ITGA9: variants seen among roughly 807,000 people sequenced by gnomAD.
ITGA9 encodes integrin subunit alpha 9.
Under a neutral mutation model 127.8 loss-of-function variants are expected in ITGA9, and 56 were observed. The observed-to-expected ratio is 0.44, with a 90% CI of 0.35 to 0.55. The LOEUF (loss-of-function observed/expected upper bound fraction) is 0.55. Ranked by LOEUF, ITGA9 falls within the 20% of genes least tolerant of loss-of-function variation. The pLI is 0.00. For synonymous variants in ITGA9, 508 were observed against 514.5 expected, an observed-to-expected ratio of 0.99 and a Z score of 0.17; for missense variants, 1,196 against 1,347.1, an observed-to-expected ratio of 0.89 and a Z score of 1.76.
At chr3:37,735,426 T>C (rs1051807743) in intron 19 of ITGA9, among the ~76,000 whole-genome samples, 10 of 152,206 alleles carry the variant, frequency 6.6e-5, no homozygotes, top group Non-Finnish European at 1.2e-4. Context: ...TCCATTGTAA[T>C]GGACCAATGT....
chr3:37,530,723 T>TG, intron 13 of ITGA9, among the ~76,000 whole-genome samples: 1 of 3,832 alleles, frequency 2.6e-4, no homozygotes, highest in South Asian at 4.6e-3. Context: ...CCAGGTTTTT[T>TG]TTTTTTTTTT....
At chr3:37,795,368 T>C (rs1697159151) in intron 26 of ITGA9, among the ~76,000 whole-genome samples, 1 of 152,160 alleles carries the variant, frequency 6.6e-6, no homozygotes, top group Non-Finnish European at 1.5e-5. Flanking sequence ...TTTGCATTGA[T>C]CAGAACATAA....
chr3:37,473,328 G>C, intron 2 of ITGA9, 26 bp from the exon 3 acceptor site: 1 of 1,596,714 alleles, frequency 6.3e-7, no homozygotes, highest in Non-Finnish European at 8.6e-7. Flanking sequence ...CTCAACCCAA[G>C]TCTGGCTCTT....
intron 8 of ITGA9, among the ~76,000 whole-genome samples, chr3:37,512,068 CT>C (rs1337938198): frequency 1.7e-5 from 1 of 60,598 alleles, no homozygotes; most frequent in African/African-American, 5.7e-5. Context: ...TTCTTTCTTT[CT>C]TTCTTTCCTT....
At chr3:37,454,368 G>A (rs957785213) in intron 1 of ITGA9, among the ~76,000 whole-genome samples, 2 of 152,232 alleles carry the variant, frequency 1.3e-5, no homozygotes, top group African/African-American at 4.8e-5. Flanking sequence ...TTTAAAACGG[G>A]GATGAAGAAA....
chr3:37,673,751 T>C (rs915207309), intron 17 of ITGA9, among the ~76,000 whole-genome samples: 1 of 152,190 alleles, frequency 6.6e-6, no homozygotes, highest in Non-Finnish European at 1.5e-5. Flanking sequence ...GACTAATACA[T>C]AGTGGGTTTG....
At chr3:37,590,241 C>T (rs997523663) in intron 15 of ITGA9, among the ~76,000 whole-genome samples, 2 of 152,248 alleles carry the variant, frequency 1.3e-5, no homozygotes, top group Non-Finnish European at 2.9e-5. Flanking sequence ...GCTCTCCCTG[C>T]TCCCCATGGA....
intron 15 of ITGA9, among the ~76,000 whole-genome samples, chr3:37,616,219 T>C (rs1222610524): frequency 6.6e-6 from 1 of 152,242 alleles, no homozygotes; most frequent in African/African-American, 2.4e-5. Context: ...CATTTTGTTA[T>C]GTACCCAGTA....
At chr3:37,620,628 C>T (rs1006238070) in intron 15 of ITGA9, among the ~76,000 whole-genome samples, 2 of 152,198 alleles carry the variant, frequency 1.3e-5, no homozygotes, top group Non-Finnish European at 2.9e-5. Context: ...TGACCTTGAA[C>T]TGGCTGACAT....
At chr3:37,494,112 A>T (rs548646844) in intron 4 of ITGA9, among the ~76,000 whole-genome samples, 1 of 152,278 alleles carries the variant, frequency 6.6e-6, no homozygotes, top group Admixed American at 6.5e-5. Context: ...GAGACTCCAC[A>T]CTGGGATGGC....
intron 4 of ITGA9, among the ~76,000 whole-genome samples, chr3:37,494,120 G>A (rs1698700851): frequency 6.6e-6 from 1 of 152,180 alleles, no homozygotes; most frequent in South Asian, 2.1e-4. Flanking sequence ...ACACTGGGAT[G>A]GCCACATCAT....
intron 16 of ITGA9, among the ~76,000 whole-genome samples, chr3:37,638,252 A>G (rs1009708096): frequency 6.6e-6 from 1 of 152,144 alleles, no homozygotes; most frequent in African/African-American, 2.4e-5. Flanking sequence ...AATAATGAGT[A>G]ATAATGGTTG....
chr3:37,479,471 G>A (rs1294849232), intron 3 of ITGA9, among the ~76,000 whole-genome samples: 7 of 152,202 alleles, frequency 4.6e-5, no homozygotes, highest in Non-Finnish European at 1.0e-4. Flanking sequence ...CTTGTCCAGG[G>A]CCTTGGTGGC....
chr3:37,526,594 A>AG (rs1428335234), intron 13 of ITGA9, among the ~76,000 whole-genome samples: 4 of 152,178 alleles, frequency 2.6e-5, no homozygotes, highest in Non-Finnish European at 5.9e-5. Context: ...ACATGAGCTG[A>AG]GGCCCAGAGC....
chr3:37,659,314 C>CA (rs1700510453), intron 17 of ITGA9, among the ~76,000 whole-genome samples: 1 of 152,092 alleles, frequency 6.6e-6, no homozygotes, highest in African/African-American at 2.4e-5. Context: ...TCAGATACAC[C>CA]AATCAAATGT....
chr3:37,494,635 T>C, intron 5 of ITGA9, 67 bp downstream of exon 5: 1 of 1,383,048 alleles, frequency 7.2e-7, no homozygotes. Context: ...TATATGATTT[T>C]GGCAACCCTT....
At chr3:37,688,590 C>T (rs1700801800) in intron 18 of ITGA9, among the ~76,000 whole-genome samples, 1 of 152,166 alleles carries the variant, frequency 6.6e-6, no homozygotes, top group Admixed American at 6.5e-5. Flanking sequence ...TGAGCCTGGT[C>T]CTGCCTGCCT....
At chr3:37,492,057 C>T (rs1698679216) in intron 4 of ITGA9, among the ~76,000 whole-genome samples, 1 of 152,182 alleles carries the variant, frequency 6.6e-6, no homozygotes, top group Admixed American at 6.5e-5. Context: ...CCCACAACTG[C>T]CCCCAAAGTG....
intron 10 of ITGA9, among the ~76,000 whole-genome samples, chr3:37,518,731 A>G (rs118028740): frequency 7.1e-6 from 1 of 141,412 alleles, no homozygotes; most frequent in Non-Finnish European, 1.5e-5. Flanking sequence ...CTTTTTTGGA[A>G]CTAAATTCTT....
Sources: allele counts gnomAD v4.1 joint callset (sites outside exome capture counted in the v4.1 genomes callset), GRCh38; gene constraint gnomAD v4.1.1; transcripts MANE v1.5; gene names NCBI Gene and HGNC (gene_info 2026-07-23, HGNC 2026-07-21).